Variants in TBC1D8 observed in about 807,000 individuals in gnomAD.
TBC1D8 encodes TBC1 domain family member 8.
TBC1D8 carries 65 observed loss-of-function variants against 118.8 expected under a neutral mutation model. That is an observed-to-expected ratio of 0.55 (90% CI 0.45 to 0.67). The LOEUF is 0.67. TBC1D8 is among the 30% of genes least tolerant of loss of function. The probability of loss-of-function intolerance (pLI) is 0.00; values close to 1 mark genes in which losing one functional copy is unlikely to be tolerated. For synonymous variants in TBC1D8, 566 were observed against 595.8 expected (o/e 0.95, Z 0.73); for missense variants, 1,376 against 1,471.2 (o/e 0.94, Z 1.06).
chr2:101,092,609 G>A (rs2083573), intron 1 of TBC1D8, among the ~76,000 whole-genome samples: 45,107 of 151,698 alleles, frequency 0.3, 6,856 homozygotes, highest in East Asian at 0.38. Context: ...TTGATGCTCT[G>A]ATTGTCCCAG....
chr2:101,017,805 T>C, intron 17 of TBC1D8: 9 of 1,542,198 alleles, frequency 5.8e-6, no homozygotes, highest in Non-Finnish European at 7.9e-6. Flanking sequence ...CTTTTTAATA[T>C]TAGTTTTCAT....
intron 1 of TBC1D8, among the ~76,000 whole-genome samples, chr2:101,131,254 T>A (rs947287012): frequency 3.3e-5 from 5 of 152,138 alleles, no homozygotes; most frequent in African/African-American, 1.2e-4. Flanking sequence ...GGCTCACGCC[T>A]GTAATCCCAG....
rs1194419111 is a variant in TBC1D8 at position 101,007,615 on chromosome 2, G to C, written c.*206C>G. 5 of 575,752 alleles carry C rather than the reference G, an allele frequency of 8.7e-6. No homozygotes were observed. The East Asian group carries it at 1.4e-4, about 17-fold the overall frequency. The allele number at this position is 575,752 out of a possible 1,614,324, so 35.7% of individuals were successfully genotyped here. A position where few individuals can be genotyped will look rare whatever the true frequency, so the allele number is the denominator to read the frequency against. ...GTAAGTTGGCATCAAGGGAACCAAT[G>C]GATACCTTAGGGCACTGACAATTCT... On this transcript the variant is annotated 3_prime_UTR_variant, in exon 20 of 20. Coordinates refer to ENST00000409318, the MANE Select transcript of TBC1D8 (RefSeq NM_001330348.2).
intron 1 of TBC1D8, among the ~76,000 whole-genome samples, chr2:101,135,742 A>T (rs1297645406): frequency 6.6e-6 from 1 of 152,236 alleles, no homozygotes; most frequent in Non-Finnish European, 1.5e-5. Flanking sequence ...TGATAACATG[A>T]GCAGATTGCA....
At chr2:101,085,357 A>C (rs1160796095) in intron 2 of TBC1D8, among the ~76,000 whole-genome samples, 2 of 151,866 alleles carry the variant, frequency 1.3e-5, no homozygotes, top group African/African-American at 4.8e-5. Flanking sequence ...GCAACTCCCC[A>C]CCCTGACAAC....
intron 1 of TBC1D8, among the ~76,000 whole-genome samples, chr2:101,125,948 T>G (rs1179272892): frequency 4.6e-5 from 7 of 152,196 alleles, no homozygotes; most frequent in African/African-American, 1.7e-4. Flanking sequence ...CTTGAGTCCC[T>G]ATTAGGTTAT....
intron 2 of TBC1D8, among the ~76,000 whole-genome samples, chr2:101,088,234 T>TA (rs1480441923): frequency 3.3e-5 from 5 of 152,144 alleles, no homozygotes; most frequent in African/African-American, 1.2e-4. Flanking sequence ...TTTGGGGAGA[T>TA]AGATACCTTC....
At chr2:101,077,762 C>T (rs969285974) in intron 2 of TBC1D8, among the ~76,000 whole-genome samples, 2 of 152,074 alleles carry the variant, frequency 1.3e-5, no homozygotes, top group Non-Finnish European at 2.9e-5. Flanking sequence ...ATGATAATAG[C>T]CCTTCCCTAA....
rs565826300 is a variant in TBC1D8, at chr2:101,093,712, C to G, written c.128-3348G>C. On this transcript the variant is annotated intron_variant, in intron 1 of 19. Transcript: ENST00000409318. ...CCTGGGCAACAGAGCAAGACTCCAT[C>G]TCAGGGAAAAAAAAAGAGATGGAGG... is the stretch of plus-strand genomic sequence containing the variant. Among the ~76,000 whole-genome samples the G allele has an allele frequency of 9.2e-5, 14 of 151,610 alleles. No individual in the cohort carries two copies. The East Asian group carries it at 2.4e-3, about 26-fold the overall frequency.
chr2:101,021,588 A>C, intron 17 of TBC1D8, 93 bp downstream of exon 17: 1 of 901,730 alleles, frequency 1.1e-6, no homozygotes. Context: ...GCATAAGTGA[A>C]CTTTAAAAAG....
intron 1 of TBC1D8, among the ~76,000 whole-genome samples, chr2:101,092,380 G>A (rs372166567): frequency 3.5e-4 from 54 of 152,240 alleles, no homozygotes; most frequent in African/African-American, 1.1e-3. Context: ...GGTAACGTTC[G>A]CTTTCATCAC....
chr2:101,071,712 T>G (rs1201918040), intron 2 of TBC1D8, among the ~76,000 whole-genome samples: 1 of 152,136 alleles, frequency 6.6e-6, no homozygotes, highest in Non-Finnish European at 1.5e-5. Flanking sequence ...TTTAAAAGTT[T>G]GCAGGGAAAA....
At chr2:101,012,162 T>A (rs1374068917) in intron 17 of TBC1D8, among the ~76,000 whole-genome samples, 1 of 152,210 alleles carries the variant, frequency 6.6e-6, no homozygotes, top group East Asian at 1.9e-4. Context: ...TGGCAGTTTT[T>A]AAAAAAGTTA....
intron 17 of TBC1D8, chr2:101,017,932 A>G: frequency 1.9e-6 from 3 of 1,550,694 alleles, no homozygotes; most frequent in Non-Finnish European, 2.6e-6. Flanking sequence ...AGGAAAGCAA[A>G]TGGCATTTTC....
In TBC1D8 at chr2:101,128,094, T is replaced by C. The variant is rs149926604; in HGVS notation, c.127+23033A>G. On this transcript the variant is annotated intron_variant, in intron 1 of 19. Transcript: ENST00000409318. ...AGGTTAATAAGGACAAGATTTCTTTTCTTTTCCACCTCCTAATAGTCCTAT... is the reference window on the plus strand; with the variant it reads ...AGGTTAATAAGGACAAGATTTCTTTCCTTTTCCACCTCCTAATAGTCCTAT... Among the ~76,000 whole-genome samples, 292 of 152,348 alleles carry C rather than the reference T, an allele frequency of 1.9e-3. 3 individuals carry two copies. The highest frequency in any genetic ancestry group is 3.7e-3 in the Non-Finnish European group (253 of 68,028).
intron 1 of TBC1D8, among the ~76,000 whole-genome samples, chr2:101,114,541 G>A (rs775221200): frequency 2.0e-5 from 3 of 152,114 alleles, no homozygotes; most frequent in Admixed American, 1.3e-4. Flanking sequence ...CTTGAAATCC[G>A]ATTACTCAAA....
intron 8 of TBC1D8, among the ~76,000 whole-genome samples, chr2:101,037,021 G>A (rs1681051938): frequency 6.6e-6 from 1 of 152,208 alleles, no homozygotes; most frequent in Non-Finnish European, 1.5e-5. Flanking sequence ...CACCCTGCCT[G>A]CCATGGCCCC....
chr2:101,050,767 T>A, intron 4 of TBC1D8, 126 bp from the exon 5 acceptor site: 1 of 1,217,142 alleles, frequency 8.2e-7, no homozygotes, highest in Non-Finnish European at 1.1e-6. Flanking sequence ...AAAAATCTTT[T>A]AAGTTCAGGG....
At chr2:101,103,318 T>TA (rs201840014) in intron 1 of TBC1D8, among the ~76,000 whole-genome samples, 21,361 of 126,622 alleles carry the variant, frequency 0.17, 1,793 homozygotes, top group Middle Eastern at 0.25. Context: ...ATTCATGATT[T>TA]TAAAAAAAAA....
Sources: gnomAD v4.1 joint callset for allele counts (sites outside exome capture counted in the v4.1 genomes callset) on GRCh38, gnomAD v4.1.1 for gene constraint, MANE v1.5 for transcripts, NCBI Gene and HGNC (gene_info 2026-07-23, HGNC 2026-07-21) for gene names.